Variants in ANKRD31 observed in about 807,000 individuals in gnomAD.
The protein encoded by ANKRD31 is ankyrin repeat domain-containing protein 31.
ANKRD31 carries 147 observed loss-of-function variants against 186.0 expected under a neutral mutation model. The ratio of observed to expected loss-of-function variants is 0.79; its 90% CI spans 0.69 to 0.91. The LOEUF is 0.91. Ranked by LOEUF, ANKRD31 falls within the 40% of genes least tolerant of loss-of-function variation. The pLI is 0.00. For missense variants in ANKRD31, 1,986 were observed against 2,148.8 expected (o/e 0.92, Z 1.50); for synonymous variants, 673 against 736.4 (o/e 0.91, Z 1.39).
At chr5:75,166,744 A>T (rs1752952502) in intron 11 of ANKRD31, among the ~76,000 whole-genome samples, 1 of 152,156 alleles carries the variant, frequency 6.6e-6, no homozygotes. Context: ...GTCTGGCATG[A>T]CTTGTTCTTA....
Position 75,183,991 on chromosome 5 carries a change from A to G in ANKRD31, c.1564+4502T>C, listed in dbSNP as rs796155532. Among the ~76,000 whole-genome samples, 227 of 152,256 alleles carry G rather than the reference A, an allele frequency of 1.5e-3. 1 individual carries two copies. The highest frequency in any genetic ancestry group is 5.3e-3 in the African/African-American group (222 of 41,562). ...AAAAATTTTTAAAAAACAAAGCTAG[A>G]GGCATATTACCTTACTTAGCTCTAT... is the stretch of plus-strand genomic sequence containing the variant. On this transcript the variant is annotated intron_variant, in intron 10 of 25. Transcript: ENST00000506364.
chr5:75,236,045 C>T (rs1219620215), intron 1 of ANKRD31, among the ~76,000 whole-genome samples: 1 of 152,184 alleles, frequency 6.6e-6, no homozygotes, highest in African/African-American at 2.4e-5. Flanking sequence ...CATCCCTGCC[C>T]TCTTTTCCCT....
At chr5:75,088,332 C>G (rs760741622) in intron 23 of ANKRD31, among the ~76,000 whole-genome samples, 1 of 152,142 alleles carries the variant, frequency 6.6e-6, no homozygotes, top group East Asian at 1.9e-4. Flanking sequence ...GGGAGGCATC[C>G]GGATGGGAAG....
At position 75,146,352 on chromosome 5, in the gene ANKRD31, T is replaced by C; in HGVS notation, c.3059A>G (p.Glu1020Gly). The C allele has an allele frequency of 6.5e-7, 1 of 1,536,582 alleles. No individual in the cohort carries two copies. Among genetic ancestry groups the C allele is most frequent in the East Asian group, 2.4e-5 (1 of 40,874 alleles). Residue 1020 changes from glutamate to glycine, a missense_variant, in exon 14 of 26, where the codon GAG becomes GGG. Physicochemically the swap from Glu to Gly is moderately conservative, Grantham distance 98 (BLOSUM62 -2). Coordinates refer to ENST00000506364, the MANE Select transcript of ANKRD31 (RefSeq NM_001372053.1). Reference protein sequence around the residue: ...LACMRTLLTHEASKLTNHVEL... With the variant: ...LACMRTLLTHGASKLTNHVEL... ...CACATGATTAGTCAACTTTGAAGCC[T>C]CATGTGTCAAAAGTGTTCTCATACA...
chr5:75,182,681 T>C (rs1270385038), intron 10 of ANKRD31, among the ~76,000 whole-genome samples: 1 of 150,810 alleles, frequency 6.6e-6, no homozygotes, highest in Non-Finnish European at 1.5e-5. Context: ...ATAGCGCCAT[T>C]GCACTCCAGC....
intron 10 of ANKRD31, among the ~76,000 whole-genome samples, chr5:75,176,112 A>G (rs1753777663): frequency 6.6e-6 from 1 of 152,198 alleles, no homozygotes; most frequent in African/African-American, 2.4e-5. Flanking sequence ...AGAGGGTCCT[A>G]TGCCCACGGA....
At position 75,146,042 on chromosome 5, in the gene ANKRD31, C is replaced by G. The variant is rs1751407642; in HGVS notation, c.3369G>C (p.Leu1123Phe). The change falls in exon 14 of 26, where the codon TTG (leucine) becomes TTC (phenylalanine). Residue 1123 changes from leucine to phenylalanine, a missense_variant. Coordinates refer to ENST00000506364, the MANE Select transcript of ANKRD31 (RefSeq NM_001372053.1). ...TTTGACTAAGTTTTGAGATGTTGGC[C>G]AATTCTTTACTCATATTGTCAGTGG... Reference protein sequence around the residue: ...SHSTDNMSKELANISKLSQRE... With the variant: ...SHSTDNMSKEFANISKLSQRE... The G allele has an allele frequency of 2.0e-6, 3 of 1,507,478 alleles. No individual in the cohort carries two copies. Among genetic ancestry groups the G allele is most frequent in the Non-Finnish European group, 2.6e-6 (3 of 1,136,718 alleles). The allele number at this position is 1,507,478 out of a possible 1,614,324, so 93.4% of individuals were successfully genotyped here.
At chr5:75,196,499 C>G (rs1431315622) in intron 6 of ANKRD31, among the ~76,000 whole-genome samples, 1 of 152,124 alleles carries the variant, frequency 6.6e-6, no homozygotes, top group Non-Finnish European at 1.5e-5. Context: ...ACAGAAGAAG[C>G]AGAGATGGCA....
At position 75,094,101 on chromosome 5, in the gene ANKRD31, T is replaced by C. The variant is rs199888816; in HGVS notation, c.5332-2700A>G. 3.9e-5 allele frequency among the ~76,000 whole-genome samples: 6 copies of C among 152,258 alleles called. No homozygotes were observed. In the East Asian group the frequency reaches 9.6e-4, roughly 24 times the overall value. ...AAGTTAGTGCTGGGCCTATAACTTA[T>C]AGAAATGTAATATATTTGCCAACAG... On this transcript the variant is annotated intron_variant, in intron 22 of 25. Coordinates refer to ENST00000506364, the MANE Select transcript of ANKRD31 (RefSeq NM_001372053.1).
At chr5:75,098,618 T>A (rs906676350) in intron 22 of ANKRD31, among the ~76,000 whole-genome samples, 1 of 152,166 alleles carries the variant, frequency 6.6e-6, no homozygotes, top group African/African-American at 2.4e-5. Flanking sequence ...GAGCAGTGGT[T>A]TGTAGTTCTC....
chr5:75,121,075 T>C (rs562806493), intron 17 of ANKRD31, among the ~76,000 whole-genome samples: 28 of 151,390 alleles, frequency 1.8e-4, no homozygotes, highest in Admixed American at 9.9e-4. Flanking sequence ...CCCAGCTACT[T>C]AGGAGGCTGA....
chr5:75,135,224 A>AT (rs2150124154), intron 17 of ANKRD31, among the ~76,000 whole-genome samples: 1 of 152,354 alleles, frequency 6.6e-6, no homozygotes, highest in African/African-American at 2.4e-5. Context: ...AGGAAGTCAA[A>AT]TTGTCCCTGT....
chr5:75,180,981 C>A (rs2150218444), intron 10 of ANKRD31, among the ~76,000 whole-genome samples: 1 of 151,684 alleles, frequency 6.6e-6, no homozygotes, highest in East Asian at 1.9e-4. Flanking sequence ...GCAACCTACT[C>A]ATCTGACAAA....
chr5:75,222,217 A>G (rs765658537), intron 3 of ANKRD31, 32 bp downstream of exon 3: 49 of 1,424,620 alleles, frequency 3.4e-5, no homozygotes, highest in Non-Finnish European at 4.4e-5. Flanking sequence ...CCAATTTTTA[A>G]TGAGTATGTA....
rs906025933 is a variant in ANKRD31, at chr5:75,188,663, T to C, written c.1409-15A>G. The C allele has an allele frequency of 3.3e-6, 5 of 1,511,308 alleles. No homozygotes were observed. The African/African-American group carries it at 5.6e-5, about 17-fold the overall frequency. 93.6% of individuals were successfully genotyped at this position (1,511,308 alleles called of 1,614,324 possible). A position where few individuals can be genotyped will look rare whatever the true frequency, so the allele number is the denominator to read the frequency against. On this transcript the variant is annotated splice_polypyrimidine_tract_variant and intron_variant, in intron 9 of 25. Transcript: ENST00000506364. ...CTTCATTTTTTCTGAAATGAGGGAA[T>C]GAACAAAAGAAAAAAATCATTATTT...
rs148890621 is a variant in ANKRD31 at position 75,223,684 on chromosome 5, G to A, written c.179-1326C>T. 4.7e-3 allele frequency among the ~76,000 whole-genome samples: 711 copies of A among 152,240 alleles called. 11 individuals are homozygous for A. Among genetic ancestry groups the A allele is most frequent in the African/African-American group, 0.016 (679 of 41,540 alleles). Reference sequence around the variant, plus strand: ...AAACAGTAGTAAACAGCTTGTTATCGACTGAATGTCTGTGCACACCCGCCC... The same window carrying A: ...AAACAGTAGTAAACAGCTTGTTATCAACTGAATGTCTGTGCACACCCGCCC... On this transcript the variant is annotated intron_variant, in intron 2 of 25. Transcript: ENST00000506364.
chr5:75,214,835 T>A lies in ANKRD31; in HGVS notation c.289-3970A>T, dbSNP rs75086155. Among the ~76,000 whole-genome samples, 1,279 of 152,312 alleles carry A rather than the reference T, an allele frequency of 8.4e-3. 32 individuals are homozygous for A. The highest frequency in any genetic ancestry group is 0.029 in the African/African-American group (1,188 of 41,578). On this transcript the variant is annotated intron_variant, in intron 3 of 25. Transcript: ENST00000506364. ...TACAATTCAATTAATCTTTACTCCC[T>A]GTCAACAAGTATCTTCTAGATGACC...
Position 75,146,173 on chromosome 5 carries a change from G to C in ANKRD31, c.3238C>G (p.Pro1080Ala). Reference sequence around the variant, plus strand: ...TGAGAATGAGCAACTATGGATAAAGGCTCATTTGAATAAATTATTTTTTGG... The same window carrying C: ...TGAGAATGAGCAACTATGGATAAAGCCTCATTTGAATAAATTATTTTTTGG... ...RDQKIIYSNE[P>A]LSIVAHSQVI... Residue 1080 changes from proline to alanine, a missense_variant, in exon 14 of 26, where the codon CCT becomes GCT. Pro to Ala is a conservative substitution (Grantham distance 27). Coordinates refer to ENST00000506364, the MANE Select transcript of ANKRD31 (RefSeq NM_001372053.1). 1 of 1,535,654 alleles carries C rather than the reference G, an allele frequency of 6.5e-7. No homozygotes were observed. Among genetic ancestry groups the C allele is most frequent in the Non-Finnish European group, 8.7e-7 (1 of 1,146,216 alleles).
intron 25 of ANKRD31, among the ~76,000 whole-genome samples, chr5:75,076,892 T>C (rs1024296544): frequency 9.8e-5 from 15 of 152,298 alleles, no homozygotes; most frequent in Admixed American, 9.8e-4. Context: ...ATCAGAAATA[T>C]AATTCTAATC....
Sources: gnomAD v4.1 joint callset for allele counts (sites outside exome capture counted in the v4.1 genomes callset) on GRCh38, gnomAD v4.1.1 for gene constraint, MANE v1.5 for transcripts, NCBI Gene and HGNC (gene_info 2026-07-23, HGNC 2026-07-21) for gene names.